The following AHR variants were observed in gnomAD, a reference collection of about 807,000 sequenced individuals.
AHR encodes the protein aryl hydrocarbon receptor.
A neutral mutation model predicts 86.8 loss-of-function variants in AHR; 40 were observed. The observed-to-expected ratio is 0.46, with a 90% confidence interval of 0.36 to 0.60. AHR has a LOEUF of 0.60. AHR is among the 20% of genes least tolerant of loss of function. The pLI is 0.00. For synonymous variants in AHR, 398 were observed against 354.9 expected (o/e 1.12, Z -1.37); for missense variants, 1,001 against 1,011.6 (o/e 0.99, Z 0.14).
At chr7:17,338,833 C>G (rs1257834302) in intron 9 of AHR, among the ~76,000 whole-genome samples, 153 bp from the exon 10 acceptor site, 2 of 151,966 alleles carry the variant, frequency 1.3e-5, no homozygotes, top group Non-Finnish European at 2.9e-5. Flanking sequence ...TTTATAGCAC[C>G]AGTCATGAGA....
intron 2 of AHR, among the ~76,000 whole-genome samples, chr7:17,317,066 G>A (rs1344060018): frequency 6.9e-6 from 1 of 143,910 alleles, no homozygotes; most frequent in Non-Finnish European, 1.5e-5. Flanking sequence ...GGAAATCATA[G>A]TTATTTCCTG....
chr7:17,329,840 C>A (rs1782267175), intron 4 of AHR, 112 bp from the exon 5 acceptor site: 2 of 896,808 alleles, frequency 2.2e-6, no homozygotes, highest in Non-Finnish European at 3.2e-6. Flanking sequence ...TCATTCAATT[C>A]GTATTCATCA....
Position 17,334,868 on chromosome 7 carries a change from C to T in AHR, c.909-19C>T, listed in dbSNP as rs766733705. 3 of 1,541,268 alleles carry T rather than the reference C, an allele frequency of 1.9e-6. No homozygotes were observed. Among genetic ancestry groups the T allele is most frequent in the Non-Finnish European group, 2.7e-6 (3 of 1,127,124 alleles). On this transcript the variant is annotated intron_variant, in intron 7 of 10. Coordinates refer to ENST00000242057, the MANE Select transcript of AHR (RefSeq NM_001621.5). ...AAATCTTAATCCATTCTTATTTTAC[C>T]TTTTTTTATTTTAAACAGAGGAAGA...
intron 1 of AHR, among the ~76,000 whole-genome samples, chr7:17,300,137 G>T (rs1266414423): frequency 6.6e-6 from 1 of 152,158 alleles, no homozygotes; most frequent in Admixed American, 6.6e-5. Context: ...AGTTGAGTGA[G>T]TACAAACTTG....
chr7:17,329,938 T>C lies in AHR; in HGVS notation c.451-14T>C. The stretch of plus-strand genomic sequence containing the variant: ...CAGTCCTTTTGTTGTATTCCTTGTA[T>C]CTTTTTTCTTTAGTCTGATGTCATA... On this transcript the variant is annotated splice_polypyrimidine_tract_variant and intron_variant, in intron 4 of 10. Coordinates refer to ENST00000242057, the MANE Select transcript of AHR (RefSeq NM_001621.5). 6.3e-7 allele frequency: 1 copy of C among 1,595,482 alleles called. No individual in the cohort carries two copies. The highest frequency in any genetic ancestry group is 8.5e-7 in the Non-Finnish European group (1 of 1,172,672).
chr7:17,308,815 A>G (rs1447337755), intron 1 of AHR, among the ~76,000 whole-genome samples: 1 of 152,096 alleles, frequency 6.6e-6, no homozygotes, highest in Non-Finnish European at 1.5e-5. Context: ...CTCCACATAC[A>G]TCACTGAAAA....
chr7:17,322,052 TCAC>T (rs1782179679), intron 2 of AHR, among the ~76,000 whole-genome samples: 4 of 151,898 alleles, frequency 2.6e-5, no homozygotes, highest in Non-Finnish European at 4.4e-5. Context: ...TTTTTTCTCC[TCAC>T]CACCACCAGT....
intron 2 of AHR, among the ~76,000 whole-genome samples, chr7:17,312,123 C>G (rs79115053): frequency 0.019 from 2,836 of 152,272 alleles, 51 homozygotes; most frequent in Non-Finnish European, 0.032. Context: ...AGGCCTCCTC[C>G]CAGCGTCACG....
chr7:17,309,685 T>C (rs926402963), intron 1 of AHR, among the ~76,000 whole-genome samples: 2 of 152,242 alleles, frequency 1.3e-5, no homozygotes, highest in African/African-American at 4.8e-5. Context: ...CTACAAATGC[T>C]TGAAGTATAA....
intron 1 of AHR, among the ~76,000 whole-genome samples, chr7:17,305,345 A>G (rs927262180): frequency 6.6e-6 from 1 of 152,192 alleles, no homozygotes; most frequent in Non-Finnish European, 1.5e-5. Flanking sequence ...AGAGATAAAT[A>G]CGGATGCACT....
intron 10 of AHR, among the ~76,000 whole-genome samples, chr7:17,340,561 C>T (rs541731285): frequency 1.1e-4 from 17 of 151,952 alleles, no homozygotes; most frequent in Non-Finnish European, 1.8e-4. Flanking sequence ...TTGGTTTATT[C>T]TTTCTGGATT....
intron 1 of AHR, among the ~76,000 whole-genome samples, chr7:17,306,776 T>C (rs530124843): frequency 9.9e-5 from 15 of 152,272 alleles, no homozygotes; most frequent in African/African-American, 3.6e-4. Context: ...TTTAGTTCAG[T>C]GAACATTTGA....
At position 17,322,523 on chromosome 7, in the gene AHR, T is replaced by G; in HGVS notation, c.276T>G (p.Thr92=). Residue 92 remains threonine, a synonymous_variant, in exon 3 of 11, where the codon ACT becomes ACG. Transcript: ENST00000242057. Reference sequence around the variant, plus strand: ...TAGTTGCATTAAAATCCTCCCCTACTGAAAGAAACGGAGGCCAGGATAACT... The same window carrying G: ...TAGTTGCATTAAAATCCTCCCCTACGGAAAGAAACGGAGGCCAGGATAACT... ...FFDVALKSSP[T]ERNGGQDNCR... The G allele has an allele frequency of 1.9e-6, 3 of 1,611,970 alleles. No homozygotes were observed. Among genetic ancestry groups the G allele is most frequent in the Non-Finnish European group, 2.5e-6 (3 of 1,178,460 alleles).
intron 9 of AHR, among the ~76,000 whole-genome samples, chr7:17,336,413 G>T (rs1782355207): frequency 6.6e-6 from 1 of 152,074 alleles, no homozygotes; most frequent in African/African-American, 2.4e-5. Context: ...TGTCTATTTT[G>T]TCTAGCATTA....
chr7:17,322,854 T>C (rs1451230594), intron 3 of AHR, among the ~76,000 whole-genome samples: 2 of 152,092 alleles, frequency 1.3e-5, no homozygotes, highest in African/African-American at 4.8e-5. Flanking sequence ...GATTATACCA[T>C]ATTTTTTACT....
rs775505161 is a variant in AHR, at chr7:17,342,901, A to G, written c.2404-20A>G. The G allele has an allele frequency of 6.0e-5, 96 of 1,608,630 alleles. No homozygotes were observed. Among genetic ancestry groups the G allele is most frequent in the Non-Finnish European group, 7.7e-5 (91 of 1,176,584 alleles). On this transcript the variant is annotated intron_variant, in intron 10 of 10. Coordinates refer to ENST00000242057, the MANE Select transcript of AHR (RefSeq NM_001621.5). Reference sequence around the variant, plus strand: ...TGGAAGATCTATTCCAATAAGTTGCATCACCATTTTTGTTTTCAGTTTCAG... The same window carrying G: ...TGGAAGATCTATTCCAATAAGTTGCGTCACCATTTTTGTTTTCAGTTTCAG...
rs1781924826 is a variant in AHR, at chr7:17,299,117, C to T, written c.-148C>T. On this transcript the variant is annotated 5_prime_UTR_variant, in exon 1 of 11. Transcript: ENST00000242057. ...AGCCGAGGCGTTGAGGCGCGGCGCC[C>T]ACGCCACTGTCCCGAGAGGACGCAG... 1.2e-6 allele frequency: 1 copy of T among 811,656 alleles called. No homozygotes were observed. The highest frequency in any genetic ancestry group is 1.8e-6 in the Non-Finnish European group (1 of 559,608). The allele number at this position is 811,656 out of a possible 1,614,324, so 50.3% of individuals were successfully genotyped here.
chr7:17,302,210 G>T (rs1781962200), intron 1 of AHR, among the ~76,000 whole-genome samples: 1 of 148,278 alleles, frequency 6.7e-6, no homozygotes, highest in African/African-American at 2.5e-5. Flanking sequence ...TTGAGAAAAG[G>T]GGATCTACAC....
chr7:17,342,568 C>G (rs1334726721), intron 10 of AHR, among the ~76,000 whole-genome samples: 1 of 151,992 alleles, frequency 6.6e-6, no homozygotes, highest in African/African-American at 2.4e-5. Flanking sequence ...CAAAGCAAAC[C>G]TACTTATGAT....
Sources: allele counts gnomAD v4.1 joint callset (sites outside exome capture counted in the v4.1 genomes callset), GRCh38; gene constraint gnomAD v4.1.1; transcripts MANE v1.5; gene names NCBI Gene and HGNC (gene_info 2026-07-23, HGNC 2026-07-21).